The following DNAH2 variants were observed in gnomAD, a reference collection of about 807,000 sequenced individuals.
The protein encoded by DNAH2 is axonemal beta dynein heavy chain 2.
A neutral mutation model predicts 523.5 loss-of-function variants in DNAH2; 323 were observed. That is an observed-to-expected ratio of 0.62 (90% CI 0.56 to 0.68). DNAH2 has a LOEUF of 0.68. DNAH2 is among the 30% of genes least tolerant of loss of function. The pLI, the probability that DNAH2 is intolerant of heterozygous loss-of-function variation, is 0.00. For missense variants in DNAH2, 4,907 were observed against 5,701.5 expected (o/e 0.86, Z 4.49); for synonymous variants, 2,093 against 2,177.4 (o/e 0.96, Z 1.08).
Position 7,830,357 on chromosome 17 carries a change from C to A in DNAH2, c.11911C>A (p.Arg3971Ser), listed in dbSNP as rs1310766540. The change falls in exon 78 of 86, where the codon CGC (arginine) becomes AGC (serine). Residue 3971 changes from arginine to serine, a missense_variant. Physicochemically the swap from Arg to Ser is moderately radical, Grantham distance 110 (BLOSUM62 -1). Transcript: ENST00000572933. ...YQLMSEPQFSRCSKPAKYKKL... is the reference protein window; with the variant it reads ...YQLMSEPQFSSCSKPAKYKKL... ...ACTGATGTCAGAACCACAGTTTTCC[C>A]GCTGCTCCAAACCTGCCAAATATAA... The A allele has an allele frequency of 6.2e-7, 1 of 1,614,130 alleles. No individual in the cohort carries two copies. The highest frequency in any genetic ancestry group is 1.7e-5 in the Admixed American group (1 of 60,010).
chr17:7,739,124 G>A (rs2075228819), intron 8 of DNAH2: 3 of 614,466 alleles, frequency 4.9e-6, no homozygotes, highest in Admixed American at 2.3e-5. Flanking sequence ...TTGAACTTAT[G>A]GCCAGGCGCG....
At chr17:7,730,248 A>G (rs1410850769) in intron 4 of DNAH2, among the ~76,000 whole-genome samples, 1 of 152,228 alleles carries the variant, frequency 6.6e-6, no homozygotes, top group East Asian at 1.9e-4. Flanking sequence ...TAGATTGGAA[A>G]TAGCAAGGAA....
At chr17:7,793,700 A>G (rs2076985293) in intron 48 of DNAH2, among the ~76,000 whole-genome samples, 1 of 151,944 alleles carries the variant, frequency 6.6e-6, no homozygotes, top group Non-Finnish European at 1.5e-5. Flanking sequence ...CCTGGGCTCA[A>G]GAGATCCTCC....
At chr17:7,811,039 C>T (rs545632675) in intron 63 of DNAH2, among the ~76,000 whole-genome samples, 17 of 152,278 alleles carry the variant, frequency 1.1e-4, no homozygotes, top group African/African-American at 2.2e-4. Flanking sequence ...TACTTTAAGG[C>T]GACTGTATCC....
intron 12 of DNAH2, among the ~76,000 whole-genome samples, chr17:7,756,065 C>A (rs1289096172): frequency 6.6e-6 from 1 of 151,710 alleles, no homozygotes; most frequent in Non-Finnish European, 1.5e-5. Flanking sequence ...CGTGGCAAAA[C>A]CCCACCTCTA....
chr17:7,809,660 C>T (rs1376345825), intron 63 of DNAH2, among the ~76,000 whole-genome samples: 1 of 152,122 alleles, frequency 6.6e-6, no homozygotes, highest in Non-Finnish European at 1.5e-5. Context: ...CTCTGGGGTG[C>T]ACTGCCAACA....
chr17:7,726,846 G>A (rs1291086027), intron 3 of DNAH2, among the ~76,000 whole-genome samples: 2 of 152,100 alleles, frequency 1.3e-5, no homozygotes, highest in Non-Finnish European at 2.9e-5. Context: ...AAAAACTACA[G>A]GCATAAAGAT....
intron 31 of DNAH2, 143 bp downstream of exon 31, chr17:7,776,292 C>A: frequency 1.0e-6 from 1 of 957,460 alleles, no homozygotes; most frequent in Non-Finnish European, 1.5e-6. Context: ...ATGGTGAAAC[C>A]CCGTCTCTAC....
chr17:7,746,419 A>G (rs1009667768), intron 12 of DNAH2, among the ~76,000 whole-genome samples: 1 of 152,234 alleles, frequency 6.6e-6, no homozygotes, highest in Non-Finnish European at 1.5e-5. Context: ...ATATTGTTCT[A>G]TATATTCCAA....
Position 7,770,408 on chromosome 17 carries a change from G to C in DNAH2, c.4098G>C (p.Val1366=). The C allele has an allele frequency of 6.2e-7, 1 of 1,612,142 alleles. No individual in the cohort carries two copies. Among genetic ancestry groups the C allele is most frequent in the Non-Finnish European group, 8.5e-7 (1 of 1,178,994 alleles). The stretch of plus-strand genomic sequence containing the variant: ...CAACTAAAGAGCTGGCTATAGAAGT[G>C]GTACGACAGTCCCCTCCCATGCTCC... ...ASATKELAIE[V]ALQNIAKTWD... Residue 1366 remains valine (V), a splice_region_variant and synonymous_variant, in exon 25 of 86, where the codon GTG becomes GTC. Transcript: ENST00000572933.
intron 39 of DNAH2, 139 bp downstream of exon 39, chr17:7,781,306 A>T: frequency 1.0e-6 from 1 of 984,136 alleles, no homozygotes; most frequent in South Asian, 1.4e-5. Context: ...GAAACCCTGT[A>T]TCTACAAAAA....
At chr17:7,769,298 A>T (rs1468842468) in intron 24 of DNAH2, among the ~76,000 whole-genome samples, 2 of 152,062 alleles carry the variant, frequency 1.3e-5, no homozygotes, top group Admixed American at 1.3e-4. Flanking sequence ...AGTAGCTGGG[A>T]TTACAGGCAC....
Position 7,786,815 on chromosome 17 carries a change from A to G in DNAH2, c.6467-82A>G. On this transcript the variant is annotated intron_variant, in intron 41 of 85. Transcript: ENST00000572933. This position sits in a 1 kb window ranked among gnomAD's most constrained non-coding sequence, Gnocchi z 7.5. Reference sequence around the variant, plus strand: ...GGAATGCTGAAGTACAAGGGAGTGTAGGCTTGTGTCTCCGAGGAGCGTGAG... The same window carrying G: ...GGAATGCTGAAGTACAAGGGAGTGTGGGCTTGTGTCTCCGAGGAGCGTGAG... 4.4e-6 allele frequency: 7 copies of G among 1,606,748 alleles called. No individual in the cohort carries two copies. The highest frequency in any genetic ancestry group is 6.0e-6 in the Non-Finnish European group (7 of 1,174,840).
chr17:7,764,088 T>C, intron 19 of DNAH2, 29 bp from the exon 20 acceptor site: 2 of 1,614,122 alleles, frequency 1.2e-6, no homozygotes, highest in Non-Finnish European at 1.7e-6. Flanking sequence ...GGCCTTCCAC[T>C]CACTAGCACT....
At chr17:7,793,447 T>TTCTCTTTCTTTCTTTCTTTCTTTC (rs774059490) in intron 48 of DNAH2, among the ~76,000 whole-genome samples, 2 of 96,416 alleles carry the variant, frequency 2.1e-5, no homozygotes, top group African/African-American at 7.1e-5. Context: ...CTTTCTTTCT[T>TTCTCTTTCTTTCTTTCTTTCTTTC]TTTCTTTCTT....
intron 63 of DNAH2, among the ~76,000 whole-genome samples, chr17:7,815,795 G>T (rs1266083503): frequency 6.6e-6 from 1 of 152,038 alleles, no homozygotes; most frequent in Non-Finnish European, 1.5e-5. Flanking sequence ...GGCTCTATCA[G>T]TTCTCTCCTT....
Position 7,821,171 on chromosome 17 carries a change from T to A in DNAH2, c.11016-72T>A. The A allele has an allele frequency of 6.4e-7, 1 of 1,558,740 alleles. No individual in the cohort carries two copies. Among genetic ancestry groups the A allele is most frequent in the Non-Finnish European group, 8.7e-7 (1 of 1,147,800 alleles). On this transcript the variant is annotated intron_variant, in intron 72 of 85. Coordinates refer to ENST00000572933, the MANE Select transcript of DNAH2 (RefSeq NM_020877.5). The surrounding 1 kb of genome is among the most constrained non-coding windows in gnomAD (Gnocchi z 5.0). ...TGTGTGAAGCTGTGTGATAGTAGCA[T>A]CATAGCATTCGCATGGAGCATCAGC...
In DNAH2 at chr17:7,817,702, G is replaced by A; in HGVS notation, c.10162G>A (p.Gly3388Ser). ...STENGIIVTR[G>S]NRWALMIDPQ... is the part of the protein sequence containing the mutation. The stretch of plus-strand genomic sequence containing the variant: ...TGAGAATGGCATCATCGTCACCCGA[G>A]GCAACAGGTGAGGGTGCTGCTGGGC... Residue 3388 changes from glycine (G) to serine (S), a missense_variant, in exon 66 of 86, where the codon GGC (glycine) becomes AGC (serine). By Grantham distance (56) the Gly-to-Ser change is moderately conservative. Coordinates refer to ENST00000572933, the MANE Select transcript of DNAH2 (RefSeq NM_020877.5). 1 of 1,614,152 alleles carries A rather than the reference G, an allele frequency of 6.2e-7. No homozygotes were observed. The highest frequency in any genetic ancestry group is 1.1e-5 in the South Asian group (1 of 91,080).
intron 44 of DNAH2, among the ~76,000 whole-genome samples, chr17:7,790,372 G>A (rs962567428): frequency 6.6e-5 from 10 of 151,606 alleles, no homozygotes; most frequent in Non-Finnish European, 1.0e-4. Flanking sequence ...GCAGGCGTGC[G>A]CCATCACACC....
Sources: gnomAD v4.1 joint callset for allele counts (sites outside exome capture counted in the v4.1 genomes callset) on GRCh38, gnomAD v4.1.1 for gene constraint, Gnocchi (gnomAD v3.1) non-coding constraint, MANE v1.5 for transcripts, NCBI Gene and HGNC (gene_info 2026-07-23, HGNC 2026-07-21) for gene names.